Variants in SLC24A3 observed in about 807,000 individuals in gnomAD.
The protein encoded by SLC24A3 is sodium/potassium/calcium exchanger 3.
A neutral mutation model predicts 75.8 loss-of-function variants in SLC24A3; 28 were observed. The ratio of observed to expected loss-of-function variants is 0.37; its 90% CI spans 0.27 to 0.51. SLC24A3 has a LOEUF of 0.51. Ranked by LOEUF, SLC24A3 falls within the 20% of genes least tolerant of loss-of-function variation. The probability of loss-of-function intolerance (pLI) is 0.94; values close to 1 mark genes in which losing one functional copy is unlikely to be tolerated. For synonymous variants in SLC24A3, 372 were observed against 334.1 expected (o/e 1.11, Z -1.24); for missense variants, 663 against 847.8 (o/e 0.78, Z 2.71).
rs765179982 is a variant in SLC24A3 at position 19,585,557 on chromosome 20, G to T, written c.612+13G>T. The T allele has an allele frequency of 6.2e-7, 1 of 1,611,178 alleles. No individual in the cohort carries two copies. The highest frequency in any genetic ancestry group is 1.1e-5 in the South Asian group (1 of 90,708). ...CTTTGCTGGGCAGGTAAGACTGGCGGCTTCTTTGTGATGGCAAAATGTGAC... is the reference window on the plus strand; with the variant it reads ...CTTTGCTGGGCAGGTAAGACTGGCGTCTTCTTTGTGATGGCAAAATGTGAC... On this transcript the variant is annotated intron_variant, in intron 6 of 16. Transcript: ENST00000328041.
At chr20:19,356,773 T>A (rs988923469) in intron 2 of SLC24A3, among the ~76,000 whole-genome samples, 2 of 152,068 alleles carry the variant, frequency 1.3e-5, no homozygotes, top group Non-Finnish European at 2.9e-5. Context: ...TTCCGATAGA[T>A]TTACACTTTG....
Position 19,700,714 on chromosome 20 carries a change from C to T in SLC24A3, c.1719+2034C>T, listed in dbSNP as rs6046262. 5.0e-3 allele frequency among the ~76,000 whole-genome samples: 769 copies of T among 152,304 alleles called. 7 individuals are homozygous for T. Among genetic ancestry groups the T allele is most frequent in the African/African-American group, 0.018 (737 of 41,564 alleles). ...ATTTTATACATTGCTTTTTATACTT[C>T]CTGTTATATCAAACGTTTTTTCCTC... On this transcript the variant is annotated intron_variant, in intron 15 of 16. Transcript: ENST00000328041.
chr20:19,311,327 T>A (rs1984452571), intron 2 of SLC24A3, among the ~76,000 whole-genome samples: 1 of 152,102 alleles, frequency 6.6e-6, no homozygotes, highest in African/African-American at 2.4e-5. Context: ...TGGTGGATCA[T>A]TCCAGGGCCC....
chr20:19,652,653 A>G (rs986340985), intron 6 of SLC24A3, among the ~76,000 whole-genome samples: 14 of 152,330 alleles, frequency 9.2e-5, no homozygotes, highest in African/African-American at 3.4e-4. Context: ...GGAAGTGGGG[A>G]ATGCGTTAAT....
intron 2 of SLC24A3, among the ~76,000 whole-genome samples, chr20:19,509,898 T>C (rs1335304464): frequency 2.0e-5 from 3 of 152,232 alleles, no homozygotes; most frequent in African/African-American, 7.2e-5. Flanking sequence ...AATGTTGGCA[T>C]TGAGCCCCAC....
chr20:19,491,396 T>C (rs1420277809), intron 2 of SLC24A3, among the ~76,000 whole-genome samples: 1 of 152,230 alleles, frequency 6.6e-6, no homozygotes, highest in East Asian at 1.9e-4. Flanking sequence ...CCAATCTGTG[T>C]TGTCTGCTGT....
chr20:19,340,715 T>TAA (rs1330853809), intron 2 of SLC24A3, among the ~76,000 whole-genome samples: 1 of 152,184 alleles, frequency 6.6e-6, no homozygotes, highest in African/African-American at 2.4e-5. Flanking sequence ...GTGTTTCAAA[T>TAA]AAACATCCAG....
chr20:19,483,103 G>C lies in SLC24A3; in HGVS notation c.272-32385G>C, dbSNP rs59505375. Among the ~76,000 whole-genome samples, 1,430 of 152,304 alleles carry C rather than the reference G, an allele frequency of 9.4e-3. 22 individuals are homozygous for C. The highest frequency in any genetic ancestry group is 0.039 in the South Asian group (188 of 4,824). ...TAACCTACTAATGATTAGCTTGTTT[G>C]CTTGTAATTAATGGCTGCTAAGGCC... is the stretch of plus-strand genomic sequence containing the variant. On this transcript the variant is annotated intron_variant, in intron 2 of 16. Transcript: ENST00000328041.
chr20:19,436,349 A>G (rs574342791), intron 2 of SLC24A3, among the ~76,000 whole-genome samples: 1 of 152,348 alleles, frequency 6.6e-6, no homozygotes, highest in South Asian at 2.1e-4. Flanking sequence ...CTTATTTAGC[A>G]TGACGCTCAG....
intron 2 of SLC24A3, among the ~76,000 whole-genome samples, chr20:19,490,946 C>A (rs1374699821): frequency 1.3e-5 from 2 of 152,236 alleles, no homozygotes; most frequent in Non-Finnish European, 2.9e-5. Flanking sequence ...ACTTTCTAAT[C>A]TCTCATTGCT....
chr20:19,430,249 G>T (rs1198918576), intron 2 of SLC24A3, among the ~76,000 whole-genome samples: 2 of 152,168 alleles, frequency 1.3e-5, no homozygotes, highest in African/African-American at 4.8e-5. Context: ...AGACATCATT[G>T]TTCTTCTGTT....
chr20:19,494,354 T>C (rs1405299109), intron 2 of SLC24A3, among the ~76,000 whole-genome samples: 1 of 152,260 alleles, frequency 6.6e-6, no homozygotes, highest in East Asian at 1.9e-4. Context: ...CTAGCAGATC[T>C]ACAAAATTAG....
intron 1 of SLC24A3, among the ~76,000 whole-genome samples, chr20:19,261,148 G>A (rs2122194938): frequency 6.6e-6 from 1 of 152,252 alleles, no homozygotes; most frequent in Middle Eastern, 3.4e-3. Context: ...AATCCCCTTG[G>A]AAAGATGGGA....
chr20:19,391,929 C>T (rs917358223), intron 2 of SLC24A3, among the ~76,000 whole-genome samples: 3 of 152,210 alleles, frequency 2.0e-5, no homozygotes, highest in Admixed American at 1.3e-4. Context: ...AGGTAGCAAG[C>T]AGTGTCTCCG....
chr20:19,289,720 GT>G (rs1264139166), intron 2 of SLC24A3, among the ~76,000 whole-genome samples: 1 of 152,172 alleles, frequency 6.6e-6, no homozygotes, highest in African/African-American at 2.4e-5. Flanking sequence ...ACTCCCTGGG[GT>G]TCACTCCCAC....
intron 3 of SLC24A3, among the ~76,000 whole-genome samples, chr20:19,574,253 AGTTT>A (rs1342650294): frequency 6.6e-6 from 1 of 152,126 alleles, no homozygotes; most frequent in African/African-American, 2.4e-5. Flanking sequence ...TTTGTCATTT[AGTTT>A]GTTAGGAATG....
In SLC24A3 at chr20:19,434,724, A is replaced by G. The variant is rs765255013; in HGVS notation, c.272-80764A>G. ...AAGTAAAGGGATTTTACAGTCTTAC[A>G]GATGGGAACTTAGAGATAGGATGCT... On this transcript the variant is annotated intron_variant, in intron 2 of 16. Coordinates refer to ENST00000328041, the MANE Select transcript of SLC24A3 (RefSeq NM_020689.4). Among the ~76,000 whole-genome samples the G allele has an allele frequency of 3.3e-4, 50 of 151,350 alleles. 1 individual carries two copies. Among genetic ancestry groups the G allele is most frequent in the Non-Finnish European group, 5.6e-4 (38 of 67,892 alleles).
At chr20:19,322,568 T>A (rs956527562) in intron 2 of SLC24A3, among the ~76,000 whole-genome samples, 1 of 152,310 alleles carries the variant, frequency 6.6e-6, no homozygotes, top group Admixed American at 6.5e-5. Flanking sequence ...GTGTGGGTAT[T>A]TTTGACTTTC....
At chr20:19,636,479 G>T (rs2032004350) in intron 6 of SLC24A3, among the ~76,000 whole-genome samples, 1 of 152,198 alleles carries the variant, frequency 6.6e-6, no homozygotes, top group African/African-American at 2.4e-5. Context: ...AGAGAAAAAA[G>T]GGATGTCTTT....
Sources: allele counts gnomAD v4.1 joint callset (sites outside exome capture counted in the v4.1 genomes callset), GRCh38; gene constraint gnomAD v4.1.1; transcripts MANE v1.5; gene names NCBI Gene and HGNC (gene_info 2026-07-23, HGNC 2026-07-21).